Variants in ZFYVE16 observed in about 807,000 individuals in gnomAD.
ZFYVE16 encodes the protein zinc finger FYVE-type containing 16, also known as zinc finger FYVE domain-containing protein 16.
Under a neutral mutation model 138.1 loss-of-function variants are expected in ZFYVE16, and 89 were observed. The observed-to-expected ratio is 0.64, with a 90% CI of 0.54 to 0.77. The LOEUF (loss-of-function observed/expected upper bound fraction) is 0.77, where lower values mean the gene tolerates loss of function less well. ZFYVE16 is among the 30% of genes least tolerant of loss of function. The probability of loss-of-function intolerance (pLI) is 0.00; values close to 1 mark genes in which losing one functional copy is unlikely to be tolerated. For synonymous variants in ZFYVE16, 596 were observed against 618.3 expected (o/e 0.96, Z 0.53); for missense variants, 1,793 against 1,786.7 (o/e 1.00, Z -0.06).
intron 15 of ZFYVE16, among the ~76,000 whole-genome samples, chr5:80,462,228 G>A (rs1255933489): frequency 6.6e-6 from 1 of 152,134 alleles, no homozygotes; most frequent in Admixed American, 6.5e-5. Flanking sequence ...ATAAAGAACT[G>A]CCTGAGACTG....
chr5:80,468,383 T>C (rs562152520), intron 15 of ZFYVE16, among the ~76,000 whole-genome samples: 39 of 152,360 alleles, frequency 2.6e-4, no homozygotes, highest in Admixed American at 5.9e-4. Flanking sequence ...CTAAATAGTA[T>C]AGCCTAGTGC....
At chr5:80,418,658 T>C (rs1746615092) in intron 1 of ZFYVE16, among the ~76,000 whole-genome samples, 1 of 152,160 alleles carries the variant, frequency 6.6e-6, no homozygotes, top group African/African-American at 2.4e-5. Context: ...TTATAGAGTT[T>C]TAGATACAAG....
chr5:80,431,039 A>C (rs1032740114), intron 2 of ZFYVE16, among the ~76,000 whole-genome samples: 2 of 152,208 alleles, frequency 1.3e-5, no homozygotes, highest in Non-Finnish European at 2.9e-5. Context: ...TTCCTTCTGA[A>C]ACTATTCCAA....
intron 18 of ZFYVE16, among the ~76,000 whole-genome samples, chr5:80,475,304 G>A (rs756016594): frequency 2.0e-5 from 3 of 152,218 alleles, no homozygotes; most frequent in Admixed American, 6.5e-5. Flanking sequence ...GTCTAAAAGC[G>A]TATATATAAC....
At chr5:80,444,665 G>A (rs928577147) in intron 6 of ZFYVE16, among the ~76,000 whole-genome samples, 3 of 151,734 alleles carry the variant, frequency 2.0e-5, no homozygotes, top group African/African-American at 7.3e-5. Context: ...AGAAAGAAAT[G>A]TCCTGTGGTA....
intron 1 of ZFYVE16, among the ~76,000 whole-genome samples, chr5:80,421,526 T>TC (rs2112221548): frequency 6.6e-6 from 1 of 152,344 alleles, no homozygotes; most frequent in East Asian, 1.9e-4. Flanking sequence ...TAGCCAGTTT[T>TC]CCCAGCACCA....
chr5:80,482,981 G>C lies in ZFYVE16; in HGVS notation c.*5604G>C, dbSNP rs1429631699. ...CCCGGTTCAAGCAGTTCTCCTGTCT[G>C]AGCCTCCAGAGGAGTAGCTGGGATT... On this transcript the variant is annotated 3_prime_UTR_variant, in exon 19 of 19. Transcript: ENST00000505560. 1 of 151,942 alleles carries C rather than the reference G, an allele frequency of 6.6e-6. No homozygotes were observed. The highest frequency in any genetic ancestry group is 1.5e-5 in the Non-Finnish European group (1 of 68,046). The allele number at this position is 151,942 out of a possible 1,614,324, so 9.4% of individuals were successfully genotyped here. A position where few individuals can be genotyped will look rare whatever the true frequency, so the allele number is the denominator to read the frequency against.
intron 2 of ZFYVE16, among the ~76,000 whole-genome samples, chr5:80,432,658 A>T (rs564090787): frequency 5.3e-5 from 8 of 152,312 alleles, no homozygotes; most frequent in Admixed American, 5.2e-4. Flanking sequence ...CAACCTACAG[A>T]ATGGGAGAAA....
chr5:80,451,427 T>C (rs1751977419), intron 10 of ZFYVE16, 58 bp from the exon 11 acceptor site: 6 of 1,401,494 alleles, frequency 4.3e-6, no homozygotes, highest in Non-Finnish European at 5.8e-6. Flanking sequence ...CTAAGAACAT[T>C]TCTTCAAAAC....
In ZFYVE16 at chr5:80,481,026, A is replaced by G. The variant is rs1446747142; in HGVS notation, c.*3649A>G. Among the ~76,000 whole-genome samples the G allele has an allele frequency of 6.6e-6, 1 of 152,218 alleles. No homozygotes were observed. The highest frequency in any genetic ancestry group is 6.5e-5 in the Admixed American group (1 of 15,278). On this transcript the variant is annotated 3_prime_UTR_variant, in exon 19 of 19. Coordinates refer to ENST00000505560, the MANE Select transcript of ZFYVE16 (RefSeq NM_001284236.3). ...AGGACCAGAAAGGAGGTTGGAGGCTATGGGACAAAACCCTTTTTAATTTAA... is the reference window on the plus strand; with the variant it reads ...AGGACCAGAAAGGAGGTTGGAGGCTGTGGGACAAAACCCTTTTTAATTTAA...
At chr5:80,433,646 C>T (rs1357495219) in intron 2 of ZFYVE16, among the ~76,000 whole-genome samples, 2 of 151,168 alleles carry the variant, frequency 1.3e-5, no homozygotes, top group Admixed American at 6.6e-5. Context: ...ACATGTAAAC[C>T]CTGCTGAAAA....
rs1247733072 is a variant in ZFYVE16 at position 80,474,868 on chromosome 5, G to A, written c.4461+38G>A. 2.6e-6 allele frequency: 4 copies of A among 1,566,084 alleles called. No individual in the cohort carries two copies. In the South Asian group the frequency reaches 3.5e-5, roughly 14 times the overall value. ...TTTGTGATGTATTTTTGAAATGAAT[G>A]TATTGCATATTAACAAGTTTTTCTT... On this transcript the variant is annotated intron_variant, in intron 18 of 18. Transcript: ENST00000505560.
At chr5:80,427,659 GTCTT>G (rs1430219942) in intron 2 of ZFYVE16, 114 bp downstream of exon 2, 1 of 41,736 alleles carries the variant, frequency 2.4e-5, no homozygotes, top group Non-Finnish European at 6.1e-5. Flanking sequence ...TTAGTTTTCA[GTCTT>G]TCTTCTTTTG....
chr5:80,482,506 A>G lies in ZFYVE16; in HGVS notation c.*5129A>G, dbSNP rs942225351. On this transcript the variant is annotated 3_prime_UTR_variant, in exon 19 of 19. Coordinates refer to ENST00000505560, the MANE Select transcript of ZFYVE16 (RefSeq NM_001284236.3). ...AAAAATATCTGAAGAAATAATAGCT[A>G]AAAACTTCCAAACATCTGGCAAAAA... is the stretch of plus-strand genomic sequence containing the variant. The G allele has an allele frequency of 6.6e-6, 1 of 152,250 alleles. No homozygotes were observed. Among genetic ancestry groups the G allele is most frequent in the African/African-American group, 2.4e-5 (1 of 41,464 alleles). 9.4% of individuals were successfully genotyped at this position (152,250 alleles called of 1,614,324 possible). A position where few individuals can be genotyped will look rare whatever the true frequency, so the allele number is the denominator to read the frequency against.
rs768356492 is a variant in ZFYVE16 at position 80,457,013 on chromosome 5, A to G, written c.3864A>G (p.Ala1288=). 1.2e-6 allele frequency: 2 copies of G among 1,612,934 alleles called. No homozygotes were observed. Among genetic ancestry groups the G allele is most frequent in the South Asian group, 1.1e-5 (1 of 90,762 alleles). ...TTGGAGCAAGTTTCAGTACAGAAGC[A>G]GATTCTCATCTAGTCTGTATACAGA... ...ISIGASFSTE[A]DSHLVCIQND... is the part of the protein sequence containing the mutation. Residue 1288 remains alanine (A), a synonymous_variant, in exon 14 of 19, where the codon GCA becomes GCG. Transcript: ENST00000505560.
chr5:80,463,837 C>G (rs1247773610), intron 15 of ZFYVE16, among the ~76,000 whole-genome samples: 1 of 152,184 alleles, frequency 6.6e-6, no homozygotes, highest in Non-Finnish European at 1.5e-5. Context: ...AATTATCTCT[C>G]TCAACTTCAA....
At chr5:80,424,682 G>C (rs752052078) in intron 1 of ZFYVE16, among the ~76,000 whole-genome samples, 30 of 151,998 alleles carry the variant, frequency 2.0e-4, no homozygotes, top group African/African-American at 6.8e-4. Context: ...GGCTGGTCTC[G>C]AACTCCTGAC....
At position 80,438,588 on chromosome 5, in the gene ZFYVE16, T is replaced by C; in HGVS notation, c.1903T>C (p.Ser635Pro). ...TSKSEITNQLSVSDINSQSVG... is the reference protein window; with the variant it reads ...TSKSEITNQLPVSDINSQSVG... Reference sequence around the variant, plus strand: ...TAAGTCTGAGATTACAAATCAATTATCGGTCTCTGATATTAACAGTCAATC... The same window carrying C: ...TAAGTCTGAGATTACAAATCAATTACCGGTCTCTGATATTAACAGTCAATC... The change falls in exon 4 of 19, where the codon TCG (serine) becomes CCG (proline). Residue 635 changes from serine (S) to proline (P), a missense_variant. By Grantham distance (74) the Ser-to-Pro change is moderately conservative. Transcript: ENST00000505560. 2 of 1,614,148 alleles carry C rather than the reference T, an allele frequency of 1.2e-6. No individual in the cohort carries two copies. The highest frequency in any genetic ancestry group is 1.1e-5 in the South Asian group (1 of 91,082).
intron 2 of ZFYVE16, among the ~76,000 whole-genome samples, chr5:80,432,983 TTGG>T (rs1450299745): frequency 1.3e-5 from 2 of 152,112 alleles, no homozygotes; most frequent in African/African-American, 4.8e-5. Flanking sequence ...GCTTTTACAC[TTGG>T]TGGGATTGTA....
Sources: allele counts gnomAD v4.1 joint callset (sites outside exome capture counted in the v4.1 genomes callset), GRCh38; gene constraint gnomAD v4.1.1; transcripts MANE v1.5; gene names NCBI Gene and HGNC (gene_info 2026-07-23, HGNC 2026-07-21).